UBE2D2: variants seen among roughly 807,000 people sequenced by gnomAD.
UBE2D2 encodes the protein ubiquitin conjugating enzyme E2 D2.
In UBE2D2, 2 loss-of-function variants were observed where a neutral mutation model predicts 24.2. The observed-to-expected ratio is 0.08, with a 90% CI of 0.03 to 0.26. UBE2D2 has a LOEUF of 0.26. UBE2D2 is among the 10% of genes least tolerant of loss of function. UBE2D2 has a pLI of 1.00. For missense variants in UBE2D2, 44 were observed against 177.6 expected, an observed-to-expected ratio of 0.25 and a Z score of 4.28; for synonymous variants, 58 against 56.5, an observed-to-expected ratio of 1.03 and a Z score of -0.12.
intron 1 of UBE2D2, among the ~76,000 whole-genome samples, chr5:139,530,958 C>T (rs1198457370): frequency 6.6e-6 from 1 of 152,158 alleles, no homozygotes; most frequent in Non-Finnish European, 1.5e-5. Flanking sequence ...CACCTTAGTT[C>T]ACAAAAATGC....
At chr5:139,529,933 G>A (rs1437410484) in intron 1 of UBE2D2, among the ~76,000 whole-genome samples, 1 of 152,146 alleles carries the variant, frequency 6.6e-6, no homozygotes, top group Admixed American at 6.5e-5. Context: ...AATGGCCATG[G>A]GAAGCCCGAA....
intron 1 of UBE2D2, among the ~76,000 whole-genome samples, chr5:139,554,167 T>C (rs1278023893): frequency 6.6e-6 from 1 of 152,112 alleles, no homozygotes; most frequent in Non-Finnish European, 1.5e-5. Context: ...CCTAAAGAAT[T>C]TCCTTGATCG....
chr5:139,582,401 G>A (rs1257135177), intron 1 of UBE2D2, among the ~76,000 whole-genome samples: 1 of 151,724 alleles, frequency 6.6e-6, no homozygotes, highest in Non-Finnish European at 1.5e-5. Context: ...AGTAGAGACG[G>A]GGTTTCACAA....
chr5:139,536,756 C>G (rs1293317163), intron 1 of UBE2D2, among the ~76,000 whole-genome samples: 1 of 152,128 alleles, frequency 6.6e-6, no homozygotes, highest in Non-Finnish European at 1.5e-5. Flanking sequence ...TCCCAAAGTG[C>G]TGGGATTACA....
intron 1 of UBE2D2, among the ~76,000 whole-genome samples, chr5:139,565,444 C>G (rs1753195578): frequency 6.6e-6 from 1 of 152,098 alleles, no homozygotes; most frequent in South Asian, 2.1e-4. Context: ...ACCACATGGC[C>G]CCACCCTGCT....
intron 6 of UBE2D2, among the ~76,000 whole-genome samples, chr5:139,625,873 G>A (rs933280655): frequency 9.9e-5 from 15 of 152,144 alleles, no homozygotes; most frequent in Admixed American, 9.2e-4. Flanking sequence ...CCAAAGTGCT[G>A]GGATTACAGG....
At chr5:139,526,273 A>G (rs996717478), upstream of UBE2D2, among the ~76,000 whole-genome samples, 1 of 152,162 alleles carries the variant, frequency 6.6e-6, no homozygotes, top group East Asian at 1.9e-4. Context: ...CTTGCCGATG[A>G]CCCCAGCTGA....
intron 1 of UBE2D2, among the ~76,000 whole-genome samples, chr5:139,581,878 A>G (rs1373176036): frequency 6.6e-6 from 1 of 152,116 alleles, no homozygotes; most frequent in African/African-American, 2.4e-5. Flanking sequence ...TATGTTGGTC[A>G]GGCTGGTTTC....
intron 1 of UBE2D2, among the ~76,000 whole-genome samples, chr5:139,570,012 C>A (rs1753316766): frequency 2.0e-5 from 3 of 152,082 alleles, no homozygotes; most frequent in African/African-American, 7.2e-5. Context: ...AATCCCAACA[C>A]TGGGAGGCCA....
intron 1 of UBE2D2, among the ~76,000 whole-genome samples, chr5:139,590,525 GAAAGC>G (rs968824640): frequency 2.0e-5 from 3 of 151,662 alleles, no homozygotes; most frequent in Non-Finnish European, 4.4e-5. Flanking sequence ...TATTTTGAGG[GAAAGC>G]AAAGTACAGA....
rs957525658 is a variant in UBE2D2 at position 139,600,431 on chromosome 5, T to C, written c.84T>C (p.Asp28=). ...PAQCSAGPVG[D]DMFHWQATIM... ...AGTGTTCAGCAGGTCCTGTTGGAGA[T>C]GATAGTAAGTATTTAAAAGGAATAA... The change falls in exon 2 of 7, where the codon GAT becomes GAC. Residue 28 remains aspartate, a synonymous_variant. Coordinates refer to ENST00000398733, the MANE Select transcript of UBE2D2 (RefSeq NM_003339.3). 6 of 1,614,084 alleles carry C rather than the reference T, an allele frequency of 3.7e-6. No individual in the cohort carries two copies. Among genetic ancestry groups the C allele is most frequent in the Admixed American group, 3.3e-5 (2 of 60,000 alleles).
At position 139,623,347 on chromosome 5, in the gene UBE2D2, A is replaced by G. The variant is rs370491056; in HGVS notation, c.305-21A>G. On this transcript the variant is annotated intron_variant, in intron 5 of 6. Coordinates refer to ENST00000398733, the MANE Select transcript of UBE2D2 (RefSeq NM_003339.3). The stretch of plus-strand genomic sequence containing the variant: ...CTTTGCTTTGATCCTCTGCTAATTT[A>G]TATGATTTTTTTCATTCTAGTACTC... The G allele has an allele frequency of 1.6e-5, 25 of 1,548,340 alleles. No individual in the cohort carries two copies. In the African/African-American group the frequency reaches 1.9e-4, roughly 12 times the overall value.
chr5:139,570,465 C>G (rs1335569204), intron 1 of UBE2D2, among the ~76,000 whole-genome samples: 1 of 151,850 alleles, frequency 6.6e-6, no homozygotes, highest in Non-Finnish European at 1.5e-5. Context: ...CTCAGCCTCC[C>G]AAGTTGCTGG....
intron 1 of UBE2D2, among the ~76,000 whole-genome samples, chr5:139,588,255 T>TTTTTG (rs543515170): frequency 1.2e-3 from 182 of 151,740 alleles, no homozygotes; most frequent in Non-Finnish European, 1.8e-3. Flanking sequence ...AGCGTTTTTT[T>TTTTTG]TTTTGTTTTG....
At chr5:139,573,309 AAAAG>A in intron 1 of UBE2D2, among the ~76,000 whole-genome samples, 1 of 152,102 alleles carries the variant, frequency 6.6e-6, no homozygotes, top group East Asian at 1.9e-4. Flanking sequence ...CTCAAAAAAA[AAAAG>A]AAAAAAAAAA....
chr5:139,530,574 G>A (rs188343275), intron 1 of UBE2D2, among the ~76,000 whole-genome samples: 9 of 152,188 alleles, frequency 5.9e-5, no homozygotes, highest in East Asian at 1.9e-4. Flanking sequence ...TAATAAAACC[G>A]GTCAAGCCTT....
intron 5 of UBE2D2, among the ~76,000 whole-genome samples, chr5:139,619,267 G>GT (rs1239770015): frequency 6.6e-6 from 1 of 151,904 alleles, no homozygotes; most frequent in Non-Finnish European, 1.5e-5. Context: ...AGGGTGGTGT[G>GT]TGTCTATAGT....
intron 1 of UBE2D2, among the ~76,000 whole-genome samples, chr5:139,586,190 AT>A (rs200665210): frequency 4.7e-3 from 679 of 144,496 alleles, no homozygotes; most frequent in Middle Eastern, 7.3e-3. Context: ...CTAGCTTAGA[AT>A]TTTTTTTTTT....
chr5:139,565,593 A>G (rs1753198171), intron 1 of UBE2D2, among the ~76,000 whole-genome samples: 1 of 152,184 alleles, frequency 6.6e-6, no homozygotes, highest in South Asian at 2.1e-4. Flanking sequence ...AAACCAGATC[A>G]CAGAGCTTAT....
Sources: gnomAD v4.1 joint callset for allele counts (sites outside exome capture counted in the v4.1 genomes callset) on GRCh38, gnomAD v4.1.1 for gene constraint, MANE v1.5 for transcripts, NCBI Gene and HGNC (gene_info 2026-07-23, HGNC 2026-07-21) for gene names.